Variants in CDC27 observed in about 807,000 individuals in gnomAD.
CDC27 encodes cell division cycle protein 27 homolog.
A neutral mutation model predicts 109.7 loss-of-function variants in CDC27; 27 were observed. The ratio of observed to expected loss-of-function variants is 0.25; its 90% CI spans 0.18 to 0.34. The LOEUF (loss-of-function observed/expected upper bound fraction) is 0.34, where lower values mean the gene tolerates loss of function less well. CDC27 is among the 10% of genes least tolerant of loss of function. The pLI is 1.00. For missense variants in CDC27, 579 were observed against 960.2 expected (o/e 0.60, Z 5.25); for synonymous variants, 266 against 333.9 (o/e 0.80, Z 2.22).
Position 47,120,977 on chromosome 17 carries a change from C to T in CDC27, c.2433G>A (p.Ala811=), listed in dbSNP as rs731790. The T allele has an allele frequency of 0.072, 116,068 of 1,611,898 alleles. 4,648 individuals carry two copies. Among genetic ancestry groups the T allele is most frequent in the African/African-American group, 0.11 (8,358 of 74,906 alleles). The change falls in exon 19 of 19, where the codon GCG becomes GCA. Residue 811 remains alanine, a synonymous_variant. Transcript: ENST00000066544. ...CAGCTGCATGAAGTTGTGTGTCATC[C>T]GCATCTGTCATGCTGCTCTCCTGGG... is the stretch of plus-strand genomic sequence containing the variant. ...DESQESSMTD[A]DDTQLHAAES... is the part of the protein sequence containing the mutation.
At chr17:47,161,009 A>G (rs1598523897) in intron 4 of CDC27, 1 of 152,252 alleles carries the variant, frequency 6.6e-6, no homozygotes, top group Non-Finnish European at 1.5e-5. Flanking sequence ...GAAAACATAA[A>G]TAAGTTTTAT....
intron 2 of CDC27, among the ~76,000 whole-genome samples, chr17:47,172,771 A>G (rs914103081): frequency 1.3e-5 from 2 of 152,150 alleles, no homozygotes; most frequent in Non-Finnish European, 2.9e-5. Context: ...CTATGTCTCT[A>G]CTAAACTGAT....
intron 2 of CDC27, among the ~76,000 whole-genome samples, chr17:47,177,937 A>C (rs2064078694): frequency 6.6e-6 from 1 of 152,154 alleles, no homozygotes; most frequent in African/African-American, 2.4e-5. Flanking sequence ...CTCATAGTCT[A>C]ACACTATTTC....
chr17:47,124,011 G>C, intron 16 of CDC27, 51 bp from the exon 17 acceptor site: 1 of 1,268,606 alleles, frequency 7.9e-7, no homozygotes, highest in Non-Finnish European at 1.1e-6. Flanking sequence ...TTAAAGTTTT[G>C]ACCAAGCGTT....
At chr17:47,183,411 T>G (rs2064316220) in intron 1 of CDC27, among the ~76,000 whole-genome samples, 1 of 152,172 alleles carries the variant, frequency 6.6e-6, no homozygotes, top group Non-Finnish European at 1.5e-5. Context: ...AATTATAATT[T>G]TAAAAATAAA....
intron 16 of CDC27, among the ~76,000 whole-genome samples, chr17:47,128,637 T>C (rs1227332244): frequency 6.6e-6 from 1 of 152,194 alleles, no homozygotes; most frequent in Admixed American, 6.6e-5. Flanking sequence ...TACTAGATAG[T>C]AGGCCCCTCA....
chr17:47,124,026 CTTAT>C (rs922791775), intron 16 of CDC27, 66 bp from the exon 17 acceptor site: 5 of 1,020,068 alleles, frequency 4.9e-6, no homozygotes, highest in African/African-American at 3.2e-5. Context: ...AGCGTTTTTA[CTTAT>C]TTGATTTCCC....
intron 1 of CDC27, among the ~76,000 whole-genome samples, chr17:47,187,822 A>G (rs1324815866): frequency 6.7e-6 from 1 of 149,002 alleles, no homozygotes; most frequent in African/African-American, 2.5e-5. Flanking sequence ...AAAATTATAT[A>G]TATATAATTA....
chr17:47,134,476 T>G (rs919068315), intron 14 of CDC27, among the ~76,000 whole-genome samples: 4 of 150,740 alleles, frequency 2.7e-5, no homozygotes, highest in African/African-American at 7.4e-5. Context: ...GCCTAATTGT[T>G]TTTTTTTTGT....
rs534932439 is a variant in CDC27 at position 47,169,928 on chromosome 17, T to A, written c.366A>T (p.Gly122=). Residue 122 remains glycine (G), a synonymous_variant, in exon 4 of 19, where the codon GGA becomes GGT. Transcript: ENST00000066544. ...DSACFTLSLL[G]HVYCKTDRLA... ...TCATTCTTACTTACCAATATACATG[T>A]CCCAACAATGAAAGAGTAAAGCAAG... 1 of 1,592,256 alleles carries A rather than the reference T, an allele frequency of 6.3e-7. No individual in the cohort carries two copies. Among genetic ancestry groups the A allele is most frequent in the Admixed American group, 1.8e-5 (1 of 54,884 alleles).
rs2062875930 is a variant in CDC27 at position 47,143,966 on chromosome 17, A to G, written c.1087T>C (p.Leu363=). The change falls in exon 10 of 19, where the codon TTG becomes CTG. Residue 363 remains leucine (L), a synonymous_variant. Transcript: ENST00000066544. ...GPQTSTTPQV[L]SPTITSPPNA... ...GGGGGAGATGTAATAGTGGGGCTCAATACCTGAGGTGTTGTACTAAAAAAA... is the reference window on the plus strand; with the variant it reads ...GGGGGAGATGTAATAGTGGGGCTCAGTACCTGAGGTGTTGTACTAAAAAAA... 1 of 1,455,794 alleles carries G rather than the reference A, an allele frequency of 6.9e-7. No individual in the cohort carries two copies. The highest frequency in any genetic ancestry group is 9.1e-7 in the Non-Finnish European group (1 of 1,093,444). The allele number at this position is 1,455,794 out of a possible 1,614,324, so 90.2% of individuals were successfully genotyped here.
chr17:47,130,643 CGTGG>C (rs1001561855), intron 15 of CDC27, among the ~76,000 whole-genome samples: 2 of 151,754 alleles, frequency 1.3e-5, no homozygotes, highest in Admixed American at 1.3e-4. Context: ...GGGAGGCCAA[CGTGG>C]GTGGATCACC....
In CDC27 at chr17:47,142,355, T is replaced by C. The variant is rs1184747995; in HGVS notation, c.1252A>G (p.Ile418Val). Reference sequence around the variant, plus strand: ...CTATCATTTATGTTAGGTTGAGTTATTCCTCCTTTATTAGTTTTACTTTTT... The same window carrying C: ...CTATCATTTATGTTAGGTTGAGTTACTCCTCCTTTATTAGTTTTACTTTTT... ...KTKSKTNKGG[I>V]TQPNINDSLE... The change falls in exon 11 of 19, where the codon ATA becomes GTA. Residue 418 changes from isoleucine to valine, a missense_variant. Around this residue, in one of 9 missense-constraint regions of CDC27, gnomAD observed 58 missense variants for 116.6 expected, o/e 0.50. Transcript: ENST00000066544. 2.0e-6 allele frequency: 3 copies of C among 1,513,700 alleles called. No individual in the cohort carries two copies. Among genetic ancestry groups the C allele is most frequent in the Non-Finnish European group, 1.8e-6 (2 of 1,096,140 alleles). The allele number at this position is 1,513,700 out of a possible 1,614,324, so 93.8% of individuals were successfully genotyped here.
chr17:47,141,449 C>T (rs11570526), intron 12 of CDC27, among the ~76,000 whole-genome samples: 7 of 152,112 alleles, frequency 4.6e-5, no homozygotes, highest in Admixed American at 2.6e-4. Context: ...CAATTCAGCA[C>T]AATTTTCTTT....
chr17:47,135,562 T>C (rs1719012391), intron 14 of CDC27, among the ~76,000 whole-genome samples: 1 of 152,208 alleles, frequency 6.6e-6, no homozygotes, highest in South Asian at 2.1e-4. Flanking sequence ...TTAAACACTA[T>C]GCTAATGATA....
rs189749140 is a variant in CDC27 at position 47,159,167 on chromosome 17, C to T, written c.378-864G>A. On this transcript the variant is annotated intron_variant, in intron 4 of 18. Coordinates refer to ENST00000066544, the MANE Select transcript of CDC27 (RefSeq NM_001256.6). ...TTGTTTTTTTTCCAGGCTTAATTCA[C>T]TTTATTTTTCTTGTGTAAAAACCCT... 904 of 385,024 alleles carry T rather than the reference C, an allele frequency of 2.3e-3. 12 individuals are homozygous for T. The highest frequency in any genetic ancestry group is 0.017 in the African/African-American group (845 of 48,830). The allele number at this position is 385,024 out of a possible 1,614,324, so 23.9% of individuals were successfully genotyped here.
chr17:47,123,071 G>A (rs543738144), intron 17 of CDC27, among the ~76,000 whole-genome samples: 11 of 152,286 alleles, frequency 7.2e-5, no homozygotes, highest in Non-Finnish European at 1.6e-4. Context: ...ACTCATACCA[G>A]CTTTTGAGTT....
chr17:47,157,054 TA>T lies in CDC27; in HGVS notation c.700del (p.Tyr234IlefsTer6). The T allele has an allele frequency of 6.4e-7, 1 of 1,568,150 alleles. No individual in the cohort carries two copies. On this transcript the variant is annotated frameshift_variant, in exon 7 of 19. Coordinates refer to ENST00000066544, the MANE Select transcript of CDC27 (RefSeq NM_001256.6). LOFTEE classifies it high-confidence loss of function. ...YSLNTDSSVSYIDSAVISPDT... is the reference protein window; with the variant it reads ...YSLNTDSSVSXIDSAVISPDT... ...AGGTGAAATTACAGCTGAATCAATA[TA>T]AGACACTGAGGAATCTGTATTCAAG...
At position 47,154,719 on chromosome 17, in the gene CDC27, T is replaced by C; in HGVS notation, c.910A>G (p.Thr304Ala). 6.2e-7 allele frequency: 1 copy of C among 1,610,072 alleles called. No homozygotes were observed. Among genetic ancestry groups the C allele is most frequent in the Admixed American group, 1.7e-5 (1 of 59,968 alleles). Residue 304 changes from threonine to alanine, a missense_variant, in exon 8 of 19, where the codon ACA becomes GCA. Thr to Ala is a moderately conservative substitution (Grantham distance 58). Coordinates refer to ENST00000066544, the MANE Select transcript of CDC27 (RefSeq NM_001256.6). Reference sequence around the variant, plus strand: ...GATGGCACATCAATTACAGGAGGTGTATTAGTGTAGTTTTGTAAATAGGAT... The same window carrying C: ...GATGGCACATCAATTACAGGAGGTGCATTAGTGTAGTTTTGTAAATAGGAT... The part of the protein sequence containing the change: ...DGSYLQNYTN[T>A]PPVIDVPSTG...
Sources: allele counts gnomAD v4.1 joint callset (sites outside exome capture counted in the v4.1 genomes callset), GRCh38; gene constraint gnomAD v4.1.1; regional missense constraint gnomAD v4.1.1; transcripts MANE v1.5; gene names NCBI Gene and HGNC (gene_info 2026-07-23, HGNC 2026-07-21).